CALN1: variants seen among roughly 807,000 people sequenced by gnomAD.
CALN1 encodes the protein calcium-binding protein 8.
A neutral mutation model predicts 30.6 loss-of-function variants in CALN1; 17 were observed. The ratio of observed to expected loss-of-function variants is 0.56; its 90% confidence interval spans 0.38 to 0.83. CALN1 has a LOEUF of 0.83. Ranked by LOEUF, CALN1 falls within the 40% of genes least tolerant of loss-of-function variation. The pLI is 0.00. For missense variants in CALN1, 291 were observed against 354.9 expected (o/e 0.82, Z 1.45); for synonymous variants, 156 against 131.4 (o/e 1.19, Z -1.28).
At chr7:72,052,406 G>A (rs190030082) in intron 4 of CALN1, among the ~76,000 whole-genome samples, 129 of 152,192 alleles carry the variant, frequency 8.5e-4, no homozygotes, top group Admixed American at 5.6e-3. Context: ...GAAGCTCCCC[G>A]AGAAAGGGCC....
At chr7:71,978,228 C>T (rs1344058870) in intron 5 of CALN1, among the ~76,000 whole-genome samples, 1 of 143,834 alleles carries the variant, frequency 7.0e-6, no homozygotes, top group Admixed American at 7.1e-5. Context: ...AATCTTGAGT[C>T]AGTATTGCAA....
intron 3 of CALN1, among the ~76,000 whole-genome samples, chr7:72,203,976 TCTC>T (rs1228245582): frequency 6.6e-5 from 7 of 105,266 alleles, no homozygotes; most frequent in East Asian, 6.3e-4. Context: ...AAGAGGCCTC[TCTC>T]TTTTTTTTTT....
intron 6 of CALN1, among the ~76,000 whole-genome samples, chr7:71,806,273 C>CAAACACATGCACACACACAA: frequency 6.7e-6 from 1 of 149,894 alleles, no homozygotes; most frequent in African/African-American, 2.5e-5. Flanking sequence ...CACACACAAA[C>CAAACACATGCACACACACAA]ACACACACAC....
chr7:72,408,994 T>G (rs542412690), intron 1 of CALN1, among the ~76,000 whole-genome samples: 28 of 150,576 alleles, frequency 1.9e-4, no homozygotes, highest in African/African-American at 3.2e-4. Context: ...ATACTTTTTT[T>G]GGGGCAGGGG....
chr7:72,462,154 T>TTATGTATGTATG, the CALN1 span, among the ~76,000 whole-genome samples: 365 of 151,488 alleles, frequency 2.4e-3, no homozygotes, highest in African/African-American at 8.4e-3. Context: ...TTTATTTAAT[T>TTATGTATGTATG]TATGTATGTA....
At chr7:71,992,760 A>C (rs989884194) in intron 5 of CALN1, among the ~76,000 whole-genome samples, 5 of 152,160 alleles carry the variant, frequency 3.3e-5, no homozygotes, top group African/African-American at 1.2e-4. Context: ...CTCTATACTT[A>C]ATCATATTTT....
At chr7:72,107,685 T>C (rs1453391943) in intron 3 of CALN1, among the ~76,000 whole-genome samples, 3 of 152,188 alleles carry the variant, frequency 2.0e-5, no homozygotes, top group Non-Finnish European at 4.4e-5. Flanking sequence ...TGACTTTTCA[T>C]CAATAAACCC....
chr7:72,400,871 G>A (rs113368799), intron 2 of CALN1, among the ~76,000 whole-genome samples: 32 of 152,238 alleles, frequency 2.1e-4, no homozygotes, highest in African/African-American at 7.2e-4. Context: ...TCTGTCCCTT[G>A]CAACCAATAT....
intron 3 of CALN1, among the ~76,000 whole-genome samples, chr7:72,265,138 G>C (rs756053020): frequency 5.9e-5 from 9 of 152,280 alleles, no homozygotes; most frequent in Non-Finnish European, 1.0e-4. Flanking sequence ...GGAAGTTTTT[G>C]AGTCATTTGT....
At chr7:71,925,580 A>T (rs1415118216) in intron 5 of CALN1, among the ~76,000 whole-genome samples, 1 of 151,888 alleles carries the variant, frequency 6.6e-6, no homozygotes, top group Non-Finnish European at 1.5e-5. Context: ...TTTAAAAATA[A>T]TTCATTTTTA....
intron 4 of CALN1, among the ~76,000 whole-genome samples, chr7:72,101,741 T>G (rs957279927): frequency 4.9e-4 from 74 of 152,248 alleles, no homozygotes; most frequent in African/African-American, 1.7e-3. Flanking sequence ...CTCCTTATCA[T>G]AACCTTGGTC....
At chr7:72,061,736 A>C (rs539635529) in intron 4 of CALN1, among the ~76,000 whole-genome samples, 1 of 151,410 alleles carries the variant, frequency 6.6e-6, no homozygotes, top group South Asian at 2.1e-4. Flanking sequence ...AATAGCCAAA[A>C]ACTTTCTAAA....
chr7:72,375,871 A>G (rs1804527720), intron 2 of CALN1, among the ~76,000 whole-genome samples: 1 of 152,188 alleles, frequency 6.6e-6, no homozygotes, highest in Admixed American at 6.5e-5. Context: ...ATCTGATACT[A>G]GAACATTTCC....
At chr7:72,083,941 G>A (rs1184667119) in intron 4 of CALN1, among the ~76,000 whole-genome samples, 1 of 152,094 alleles carries the variant, frequency 6.6e-6, no homozygotes, top group Non-Finnish European at 1.5e-5. Flanking sequence ...GGGTGTGGTG[G>A]CTCACGCCTG....
At chr7:72,196,114 CTT>C (rs1790977050) in intron 3 of CALN1, among the ~76,000 whole-genome samples, 1 of 149,822 alleles carries the variant, frequency 6.7e-6, no homozygotes, top group African/African-American at 2.4e-5. Context: ...GTTTCTTTTT[CTT>C]TTCTTTTTTT....
rs768444471 is a variant in CALN1 at position 71,787,913 on chromosome 7, G to C, written c.659-11C>G. The C allele has an allele frequency of 8.7e-5, 141 of 1,613,918 alleles. No individual in the cohort carries two copies. Among genetic ancestry groups the C allele is most frequent in the Non-Finnish European group, 1.1e-4 (125 of 1,180,004 alleles). On this transcript the variant is annotated splice_polypyrimidine_tract_variant and intron_variant, in intron 6 of 6. Transcript: ENST00000395275. The stretch of plus-strand genomic sequence containing the variant: ...GCTTCTGGGAATGCACTGGTGGTGG[G>C]AGAAGCAGGTGTGGGAAGAAGGAAG...
chr7:72,129,612 T>A (rs565674611), intron 3 of CALN1, among the ~76,000 whole-genome samples: 5 of 152,292 alleles, frequency 3.3e-5, no homozygotes. Flanking sequence ...TGATATAATG[T>A]CTGGGATTTG....
At position 72,277,554 on chromosome 7, in the gene CALN1, G is replaced by C. The variant is rs1267780003; in HGVS notation, c.244+1132C>G. ...AGACTCTCTTTGGACCCAGCCCACC[G>C]GGGCCACATCCTCTGCTGCCTCCCT... On this transcript the variant is annotated intron_variant, in intron 3 of 6. Transcript: ENST00000395275. 2.6e-5 allele frequency among the ~76,000 whole-genome samples: 4 copies of C among 152,216 alleles called. No homozygotes were observed. The South Asian group carries it at 6.2e-4, about 24-fold the overall frequency.
chr7:72,035,555 G>A (rs1019131608), intron 4 of CALN1, among the ~76,000 whole-genome samples: 2 of 152,058 alleles, frequency 1.3e-5, no homozygotes, highest in Admixed American at 1.3e-4. Flanking sequence ...TCTTTTGTGT[G>A]TAGTTGATCT....
Sources: allele counts gnomAD v4.1 joint callset (sites outside exome capture counted in the v4.1 genomes callset), GRCh38; gene constraint gnomAD v4.1.1; transcripts MANE v1.5; gene names NCBI Gene and HGNC (gene_info 2026-07-23, HGNC 2026-07-21).